Variants in ARRDC1 observed in about 807,000 individuals in gnomAD.
ARRDC1 encodes the protein arrestin domain-containing protein 1.
Under a neutral mutation model 40.1 loss-of-function variants are expected in ARRDC1, and 37 were observed. The ratio of observed to expected loss-of-function variants is 0.92; its 90% confidence interval spans 0.71 to 1.21. The LOEUF (loss-of-function observed/expected upper bound fraction) is 1.21, where lower values mean the gene tolerates loss of function less well. Among genes scored for constraint, ARRDC1 ranks in the 50% most tolerant of loss-of-function variants. ARRDC1 has a pLI of 0.00. For missense variants in ARRDC1, 641 were observed against 581.9 expected (o/e 1.10, Z -1.04); for synonymous variants, 310 against 262.5 (o/e 1.18, Z -1.75).
At position 137,613,463 on chromosome 9, in the gene ARRDC1, G is replaced by A. The variant is rs565862554; in HGVS notation, c.233G>A (p.Ser78Asn). The A allele has an allele frequency of 1.2e-6, 2 of 1,611,752 alleles. No individual in the cohort carries two copies. Among genetic ancestry groups the A allele is most frequent in the African/African-American group, 2.7e-5 (2 of 75,016 alleles). ...CACCTCCCTCCTGTCTCTGCAGGGA[G>A]CCTGCCCGCTGGAGAGCACAGCTTC... Reference protein sequence around the residue: ...NSSLSLADKGSLPAGEHSFPF... With the variant: ...NSSLSLADKGNLPAGEHSFPF... Residue 78 changes from serine to asparagine, a missense_variant, in exon 3 of 8, where the codon AGC (serine) becomes AAC (asparagine). By Grantham distance (46) the Ser-to-Asn change is conservative. Coordinates refer to ENST00000371421, the MANE Select transcript of ARRDC1 (RefSeq NM_152285.4).
At chr9:137,607,705 A>G (rs1842447498) in intron 1 of ARRDC1, among the ~76,000 whole-genome samples, 1 of 152,194 alleles carries the variant, frequency 6.6e-6, no homozygotes, top group Non-Finnish European at 1.5e-5. Context: ...ATTTGGAAAC[A>G]GGACTGGGGG....
chr9:137,613,710 T>C lies in ARRDC1; in HGVS notation c.376T>C (p.Cys126Arg), dbSNP rs763565010. Residue 126 changes from cysteine (C) to arginine (R), a missense_variant, in exon 4 of 8, where the codon TGC (cysteine) becomes CGC (arginine). Coordinates refer to ENST00000371421, the MANE Select transcript of ARRDC1 (RefSeq NM_152285.4). ...GCCACGGTTTTCCAAGGATCACAAG[T>C]GCAGCCTCGTGTTCTATATCTTGAG... ...HTPRFSKDHK[C>R]SLVFYILSPL... The C allele has an allele frequency of 1.9e-6, 3 of 1,614,216 alleles. No homozygotes were observed. The highest frequency in any genetic ancestry group is 4.5e-5 in the East Asian group (2 of 44,886).
At chr9:137,607,410 ACAGT>A (rs1429076443) in intron 1 of ARRDC1, among the ~76,000 whole-genome samples, 2 of 152,202 alleles carry the variant, frequency 1.3e-5, no homozygotes, top group East Asian at 1.9e-4. Flanking sequence ...AGTGTCGGTG[ACAGT>A]CAGCACCCAG....
At chr9:137,611,404 AAAAC>A (rs1283747081) in intron 1 of ARRDC1, 1 of 152,294 alleles carries the variant, frequency 6.6e-6, no homozygotes, top group Non-Finnish European at 1.5e-5. Context: ...CAAAAAACAA[AAAAC>A]AAAACCCAGG....
chr9:137,615,070 G>A lies in ARRDC1; in HGVS notation c.1238-4G>A, dbSNP rs375659457. 121 of 1,602,400 alleles carry A rather than the reference G, an allele frequency of 7.6e-5. No individual in the cohort carries two copies. In the Middle Eastern group the frequency reaches 1.8e-3, roughly 24 times the overall value. On this transcript the variant is annotated splice_polypyrimidine_tract_variant and splice_region_variant and intron_variant, in intron 7 of 7. Coordinates refer to ENST00000371421, the MANE Select transcript of ARRDC1 (RefSeq NM_152285.4). Reference sequence around the variant, plus strand: ...CCCACGCAGACCCTGCTTTCTTCCCGCAGAGGCCCCACCGTCTTATGAGCA... The same window carrying A: ...CCCACGCAGACCCTGCTTTCTTCCCACAGAGGCCCCACCGTCTTATGAGCA...
chr9:137,614,078 T>G lies in ARRDC1; in HGVS notation c.482T>G (p.Val161Gly), dbSNP rs1395442218. The G allele has an allele frequency of 3.7e-6, 6 of 1,613,446 alleles. No individual in the cohort carries two copies. The highest frequency in any genetic ancestry group is 5.1e-6 in the Non-Finnish European group (6 of 1,179,946). ...ACCAAGAAGTTCTCCTACAAGCTGG[T>G]GAAGACGGGCAGCGTGGTCCTCACA... ...SATKKFSYKL[V>G]KTGSVVLTAS... Residue 161 changes from valine to glycine, a missense_variant, in exon 5 of 8, where the codon GTG (valine) becomes GGG (glycine). Transcript: ENST00000371421.
At chr9:137,609,434 G>C (rs1246589622) in intron 1 of ARRDC1, among the ~76,000 whole-genome samples, 1 of 151,744 alleles carries the variant, frequency 6.6e-6, no homozygotes, top group Non-Finnish European at 1.5e-5. Context: ...GGGTTTCTCC[G>C]TGTTGGTCAG....
intron 2 of ARRDC1, 80 bp downstream of exon 2, chr9:137,613,086 C>T (rs1360787493): frequency 1.6e-5 from 17 of 1,095,562 alleles, no homozygotes; most frequent in African/African-American, 3.1e-5. Flanking sequence ...TGTCCTCCCC[C>T]TTTCCTAGAT....
At position 137,614,830 on chromosome 9, in the gene ARRDC1, C is replaced by T. The variant is rs758171122; in HGVS notation, c.1067C>T (p.Pro356Leu). 1.1e-5 allele frequency: 17 copies of T among 1,613,294 alleles called. No individual in the cohort carries two copies. The Middle Eastern group carries it at 5.0e-4, about 47-fold the overall frequency. ...ACCTTGAGTTCTGTGCCTGGTGCGC[C>T]GGAGCCCTGCCCTCAGGATGGCAGC... ...LATLSSVPGAPEPCPQDGSPA... is the reference protein window; with the variant it reads ...LATLSSVPGALEPCPQDGSPA... Residue 356 changes from proline (P) to leucine (L), a missense_variant, in exon 7 of 8, where the codon CCG (proline) becomes CTG (leucine). Pro to Leu is a moderately conservative substitution (Grantham distance 98). Coordinates refer to ENST00000371421, the MANE Select transcript of ARRDC1 (RefSeq NM_152285.4).
Position 137,605,833 on chromosome 9 carries a change from G to A in ARRDC1, c.116G>A (p.Arg39Gln), listed in dbSNP as rs1194777308. Reference sequence around the variant, plus strand: ...CGCCTGGGGGCACCGCTGCCGTTCCGAGGTGGGCGCGGGTCCTCGGGGAGG... The same window carrying A: ...CGCCTGGGGGCACCGCTGCCGTTCCAAGGTGGGCGCGGGTCCTCGGGGAGG... ...RVRLGAPLPF[R>Q]AIRVTCIGSC... Residue 39 changes from arginine to glutamine, a missense_variant and splice_region_variant, in exon 1 of 8, where the codon CGA (arginine) becomes CAA (glutamine). Physicochemically the swap from Arg to Gln is conservative, Grantham distance 43. Coordinates refer to ENST00000371421, the MANE Select transcript of ARRDC1 (RefSeq NM_152285.4). 3 of 1,254,440 alleles carry A rather than the reference G, an allele frequency of 2.4e-6. No individual in the cohort carries two copies. The highest frequency in any genetic ancestry group is 1.0e-6 in the Non-Finnish European group (1 of 997,994). The allele number at this position is 1,254,440 out of a possible 1,614,324, so 77.7% of individuals were successfully genotyped here.
At position 137,605,828 on chromosome 9, in the gene ARRDC1, G is replaced by A. The variant is rs1316680831; in HGVS notation, c.111G>A (p.Pro37=). Residue 37 remains proline (P), a synonymous_variant, in exon 1 of 8, where the codon CCG becomes CCA. Coordinates refer to ENST00000371421, the MANE Select transcript of ARRDC1 (RefSeq NM_152285.4). ...TVRVRLGAPL[P]FRAIRVTCIG... is the part of the protein sequence containing the mutation. ...GCGTGCGCCTGGGGGCACCGCTGCC[G>A]TTCCGAGGTGGGCGCGGGTCCTCGG... 4.8e-6 allele frequency: 6 copies of A among 1,257,724 alleles called. No individual in the cohort carries two copies. Among genetic ancestry groups the A allele is most frequent in the African/African-American group, 4.7e-5 (3 of 63,906 alleles). 77.9% of individuals were successfully genotyped at this position (1,257,724 alleles called of 1,614,324 possible).
chr9:137,607,879 C>T (rs1038098428), intron 1 of ARRDC1, among the ~76,000 whole-genome samples: 1 of 152,202 alleles, frequency 6.6e-6, no homozygotes, highest in African/African-American at 2.4e-5. Context: ...CACTTGAGAA[C>T]GCAGCCCAGT....
chr9:137,613,904 C>T (rs1296095052), intron 4 of ARRDC1, 128 bp from the exon 5 acceptor site: 12 of 1,527,680 alleles, frequency 7.9e-6, no homozygotes, highest in African/African-American at 6.8e-5. Flanking sequence ...GAGGCAGTGG[C>T]CTCTTTGCCC....
intron 1 of ARRDC1, among the ~76,000 whole-genome samples, chr9:137,607,036 A>G (rs772743380): frequency 1.1e-4 from 17 of 152,228 alleles, no homozygotes; most frequent in Non-Finnish European, 2.5e-4. Flanking sequence ...TCACGCCTGT[A>G]ATCCCAGCAC....
chr9:137,613,192 C>A, intron 2 of ARRDC1, 186 bp downstream of exon 2: 1 of 742,350 alleles, frequency 1.3e-6, no homozygotes. Context: ...GGCCACCTCC[C>A]CCTTGTGCTG....
intron 4 of ARRDC1, 94 bp downstream of exon 4, chr9:137,613,863 C>A: frequency 6.4e-7 from 1 of 1,556,936 alleles, no homozygotes; most frequent in East Asian, 2.3e-5. Context: ...AGCGTCCTGT[C>A]CCCAGCTGAG....
In ARRDC1 at chr9:137,605,729, G is replaced by C; in HGVS notation, c.12G>C (p.Val4=). The C allele has an allele frequency of 7.2e-7, 1 of 1,385,336 alleles. No homozygotes were observed. 85.8% of individuals were successfully genotyped at this position (1,385,336 alleles called of 1,614,324 possible). MGR[V]QLFEISLSHG... Reference sequence around the variant, plus strand: ...GGTGAGGCCGCGGCATGGGGCGAGTGCAGCTCTTCGAGATCAGCCTGAGCC... The same window carrying C: ...GGTGAGGCCGCGGCATGGGGCGAGTCCAGCTCTTCGAGATCAGCCTGAGCC... Residue 4 remains valine (V), a synonymous_variant, in exon 1 of 8, where the codon GTG becomes GTC. Transcript: ENST00000371421.
chr9:137,612,725 A>C (rs1842554290), intron 1 of ARRDC1, 171 bp from the exon 2 acceptor site: 2 of 585,844 alleles, frequency 3.4e-6, no homozygotes, highest in Non-Finnish European at 6.1e-6. Context: ...GCCCCCCAAG[A>C]CAGGAGATGG....
chr9:137,613,512 T>TG lies in ARRDC1; in HGVS notation c.280+3dup. ...TCCCCTTCCAGTTCCTGCTTCCTGG[T>TG]GAGAGCCCAGCCTGGACAGGCCTGG... On this transcript the variant is annotated splice_region_variant and intron_variant, in intron 3 of 7. Coordinates refer to ENST00000371421, the MANE Select transcript of ARRDC1 (RefSeq NM_152285.4). The TG allele has an allele frequency of 6.2e-7, 1 of 1,613,784 alleles. No individual in the cohort carries two copies. Among genetic ancestry groups the TG allele is most frequent in the Non-Finnish European group, 8.5e-7 (1 of 1,179,956 alleles).
Sources: allele counts gnomAD v4.1 joint callset (sites outside exome capture counted in the v4.1 genomes callset), GRCh38; gene constraint gnomAD v4.1.1; transcripts MANE v1.5; gene names NCBI Gene and HGNC (gene_info 2026-07-23, HGNC 2026-07-21).